EYS: variants seen among roughly 807,000 people sequenced by gnomAD.
EYS encodes the protein protein eyes shut homolog.
EYS carries 250 observed loss-of-function variants against 282.1 expected under a neutral mutation model. The ratio of observed to expected loss-of-function variants is 0.89; its 90% confidence interval spans 0.80 to 0.98. The LOEUF is 0.98. Among genes scored for constraint, EYS ranks in the 50% least tolerant of loss-of-function variants. The probability of loss-of-function intolerance (pLI) is 0.00; values close to 1 mark genes in which losing one functional copy is unlikely to be tolerated. For missense variants in EYS, 4,016 were observed against 3,709.0 expected (o/e 1.08, Z -2.15); for synonymous variants, 1,355 against 1,282.9 (o/e 1.06, Z -1.20).
At chr6:64,301,709 T>C (rs1769244546) in intron 30 of EYS, among the ~76,000 whole-genome samples, 1 of 152,152 alleles carries the variant, frequency 6.6e-6, no homozygotes. Flanking sequence ...ACCTTGCCCT[T>C]CCTGCTGATA....
chr6:64,399,195 T>A (rs1017225482), intron 28 of EYS, among the ~76,000 whole-genome samples: 1 of 151,744 alleles, frequency 6.6e-6, no homozygotes, highest in African/African-American at 2.4e-5. Flanking sequence ...TTATGACAAC[T>A]GAAAGACTAA....
At chr6:65,420,874 AT>A (rs535839118) in intron 5 of EYS, among the ~76,000 whole-genome samples, 22 of 149,974 alleles carry the variant, frequency 1.5e-4, no homozygotes, top group South Asian at 6.3e-4. Flanking sequence ...TGAAAGGAAT[AT>A]TTTTTTTTTC....
chr6:64,192,327 A>C (rs980653300), intron 31 of EYS, among the ~76,000 whole-genome samples: 12 of 152,106 alleles, frequency 7.9e-5, no homozygotes, highest in African/African-American at 2.9e-4. Context: ...GAAGCTCTTT[A>C]GTTTAATTAG....
chr6:65,656,871 G>A (rs1767848923), intron 1 of EYS, among the ~76,000 whole-genome samples: 1 of 151,958 alleles, frequency 6.6e-6, no homozygotes, highest in Non-Finnish European at 1.5e-5. Flanking sequence ...CTAGAGAACA[G>A]AAGTCAATGC....
intron 12 of EYS, among the ~76,000 whole-genome samples, chr6:65,188,567 G>A (rs369317185): frequency 6.6e-6 from 1 of 151,362 alleles, no homozygotes; most frequent in Admixed American, 6.6e-5. Context: ...TTGTGAATGC[G>A]CATGAATGCA....
intron 22 of EYS, among the ~76,000 whole-genome samples, chr6:64,653,006 C>A (rs896513233): frequency 3.3e-5 from 5 of 152,082 alleles, no homozygotes; most frequent in East Asian, 1.9e-4. Context: ...TCTCAGTACC[C>A]CCGTATGTAA....
At chr6:64,351,379 T>C (rs1406111772) in intron 29 of EYS, among the ~76,000 whole-genome samples, 1 of 151,296 alleles carries the variant, frequency 6.6e-6, no homozygotes, top group Non-Finnish European at 1.5e-5. Context: ...GATTCTAGAA[T>C]TTCTGTCTCC....
At chr6:64,324,581 A>T (rs1048171794) in intron 29 of EYS, among the ~76,000 whole-genome samples, 1 of 152,162 alleles carries the variant, frequency 6.6e-6, no homozygotes, top group Non-Finnish European at 1.5e-5. Context: ...GATGCCCCTC[A>T]CATCACCCCA....
chr6:64,079,039 A>C (rs1342470183), intron 32 of EYS, among the ~76,000 whole-genome samples: 3 of 152,108 alleles, frequency 2.0e-5, no homozygotes, highest in Non-Finnish European at 4.4e-5. Context: ...TATAACTTAA[A>C]AAATTGCAAA....
chr6:63,884,575 T>C (rs982810698), intron 35 of EYS, among the ~76,000 whole-genome samples: 3 of 152,180 alleles, frequency 2.0e-5, no homozygotes, highest in Non-Finnish European at 1.5e-5. Flanking sequence ...ATTTTAAAAA[T>C]CTTGACCAAG....
At chr6:65,317,821 C>CCTTCCTTCCTTCCTTT (rs1769340973) in intron 11 of EYS, among the ~76,000 whole-genome samples, 1 of 51,534 alleles carries the variant, frequency 1.9e-5, no homozygotes, top group Non-Finnish European at 3.7e-5. Context: ...TTCCTTCCTT[C>CCTTCCTTCCTTCCTTT]CTTCCTTTCT....
At chr6:65,695,725 G>T (rs1769426884) in intron 1 of EYS, among the ~76,000 whole-genome samples, 1 of 151,684 alleles carries the variant, frequency 6.6e-6, no homozygotes, top group African/African-American at 2.4e-5. Context: ...GCACATACAG[G>T]TAATATGGCT....
chr6:63,808,004 A>C (rs1337746702), intron 36 of EYS, among the ~76,000 whole-genome samples: 1 of 152,220 alleles, frequency 6.6e-6, no homozygotes, highest in Non-Finnish European at 1.5e-5. Flanking sequence ...TCTTCCTGTT[A>C]ATAATTTACA....
intron 18 of EYS, among the ~76,000 whole-genome samples, chr6:64,888,934 A>T (rs1767186953): frequency 6.6e-6 from 1 of 152,202 alleles, no homozygotes; most frequent in Non-Finnish European, 1.5e-5. Flanking sequence ...TGACAAATTT[A>T]AAAATGTTAT....
intron 31 of EYS, among the ~76,000 whole-genome samples, chr6:64,153,134 A>G (rs1774795732): frequency 6.6e-6 from 1 of 152,098 alleles, no homozygotes; most frequent in Admixed American, 6.5e-5. Context: ...TATACTCCCA[A>G]CCATCCTATT....
In EYS at chr6:65,163,838, A is replaced by G. The variant is rs1174793930; in HGVS notation, c.2024-106111T>C. ...CCCAGCCAGGCTCATTTGTTTATGC[A>G]TTGTCCATGACAGTTTTCACACTAT... On this transcript the variant is annotated intron_variant, in intron 12 of 42. Transcript: ENST00000503581. Among the ~76,000 whole-genome samples, 7 of 151,442 alleles carry G rather than the reference A, an allele frequency of 4.6e-5. No individual in the cohort carries two copies. In the East Asian group the frequency reaches 1.4e-3, roughly 30 times the overall value.
intron 37 of EYS, among the ~76,000 whole-genome samples, chr6:63,790,022 G>A (rs993082656): frequency 6.6e-6 from 1 of 152,190 alleles, no homozygotes; most frequent in Admixed American, 6.5e-5. Flanking sequence ...TCTGAAAGGT[G>A]TGTTAGTGGG....
At position 64,464,843 on chromosome 6, in the gene EYS, C is replaced by A. The variant is rs114253041; in HGVS notation, c.5645-25491G>T. ...GGTTCACAAATATATGCTTTTTCAA[C>A]CAAATGTAAACTACAGCTACCTTAA... On this transcript the variant is annotated intron_variant, in intron 26 of 42. Transcript: ENST00000503581. Among the ~76,000 whole-genome samples the A allele has an allele frequency of 5.4e-3, 821 of 151,746 alleles. 7 individuals carry two copies. Among genetic ancestry groups the A allele is most frequent in the African/African-American group, 0.018 (750 of 41,422 alleles).
intron 22 of EYS, among the ~76,000 whole-genome samples, chr6:64,772,678 T>C (rs1040122994): frequency 2.0e-5 from 3 of 151,842 alleles, no homozygotes; most frequent in African/African-American, 7.2e-5. Flanking sequence ...CTTCCTAGTC[T>C]TTGGCAATCA....
Sources: gnomAD v4.1 joint callset for allele counts (sites outside exome capture counted in the v4.1 genomes callset) on GRCh38, gnomAD v4.1.1 for gene constraint, MANE v1.5 for transcripts, NCBI Gene and HGNC (gene_info 2026-07-23, HGNC 2026-07-21) for gene names.